Variants in FHIT observed in about 807,000 individuals in gnomAD.
The protein encoded by FHIT is fragile histidine triad diadenosine triphosphatase.
Under a neutral mutation model 17.9 loss-of-function variants are expected in FHIT, and 19 were observed. The observed-to-expected ratio is 1.06, with a 90% CI of 0.74 to 1.56. The LOEUF is 1.56. Among genes scored for constraint, FHIT ranks in the 40% most tolerant of loss-of-function variants. The probability of loss-of-function intolerance (pLI) is 0.00; values close to 1 mark genes in which losing one functional copy is unlikely to be tolerated. For missense variants in FHIT, 248 were observed against 189.2 expected (o/e 1.31, Z -1.82); for synonymous variants, 81 against 69.7 (o/e 1.16, Z -0.81).
intron 5 of FHIT, among the ~76,000 whole-genome samples, chr3:60,202,013 C>T (rs893680471): frequency 6.6e-6 from 1 of 152,146 alleles, no homozygotes; most frequent in African/African-American, 2.4e-5. Context: ...TAGGATACTC[C>T]AGGAACAAAG....
chr3:60,652,491 TGG>T (rs1343112186), intron 4 of FHIT, among the ~76,000 whole-genome samples: 1 of 152,002 alleles, frequency 6.6e-6, no homozygotes, highest in African/African-American at 2.4e-5. Context: ...CCCAGCACTT[TGG>T]GAGGCCCAGG....
chr3:59,983,483 CTATTT>C (rs1465853529), intron 7 of FHIT, among the ~76,000 whole-genome samples: 1 of 152,060 alleles, frequency 6.6e-6, no homozygotes, highest in Non-Finnish European at 1.5e-5. Context: ...TATAGTTGTA[CTATTT>C]TATTAGTAGT....
At position 60,074,458 on chromosome 3, in the gene FHIT, G is replaced by C. The variant is rs148078304; in HGVS notation, c.104-60306C>G. ...TCCTTTGAAGAGCAAAGCATCAAAAGTTCTTATCCCTAGACAGACACAAAT... is the reference window on the plus strand; with the variant it reads ...TCCTTTGAAGAGCAAAGCATCAAAACTTCTTATCCCTAGACAGACACAAAT... On this transcript the variant is annotated intron_variant, in intron 5 of 9. Coordinates refer to ENST00000492590, the MANE Select transcript of FHIT (RefSeq NM_002012.4). Among the ~76,000 whole-genome samples, 14 of 152,104 alleles carry C rather than the reference G, an allele frequency of 9.2e-5. No homozygotes were observed. The East Asian group carries it at 2.3e-3, about 25-fold the overall frequency.
chr3:60,867,457 T>C (rs1553754093), intron 3 of FHIT, among the ~76,000 whole-genome samples: 2 of 152,196 alleles, frequency 1.3e-5, no homozygotes, highest in Non-Finnish European at 2.9e-5. Flanking sequence ...CAAAAGAAGA[T>C]GTTATGGCTG....
At chr3:60,512,007 G>T (rs1461247378) in intron 5 of FHIT, among the ~76,000 whole-genome samples, 1 of 152,032 alleles carries the variant, frequency 6.6e-6, no homozygotes, top group Non-Finnish European at 1.5e-5. Flanking sequence ...GAGAGGTAAA[G>T]TTCTTCCTTA....
intron 3 of FHIT, among the ~76,000 whole-genome samples, chr3:60,892,807 C>T (rs9827429): frequency 0.019 from 2,846 of 151,918 alleles, 79 homozygotes; most frequent in African/African-American, 0.063. Context: ...TAATAATATG[C>T]GTAAATGCAT....
Position 61,091,593 on chromosome 3 carries a change from A to C in FHIT, c.-163-49494T>G, listed in dbSNP as rs1278404493. Among the ~76,000 whole-genome samples, 3 of 152,114 alleles carry C rather than the reference A, an allele frequency of 2.0e-5. No homozygotes were observed. In the South Asian group the frequency reaches 6.2e-4, roughly 32 times the overall value. On this transcript the variant is annotated intron_variant, in intron 2 of 9. Transcript: ENST00000492590. The stretch of plus-strand genomic sequence containing the variant: ...GCCTAACGTTAGCAAAATAGAAAAG[A>C]GATCTACTGCAAGTATACAGAATAG...
intron 5 of FHIT, among the ~76,000 whole-genome samples, chr3:60,476,233 G>A (rs1240028715): frequency 6.6e-6 from 1 of 152,142 alleles, no homozygotes; most frequent in African/African-American, 2.4e-5. Flanking sequence ...TCCCTGGTAT[G>A]AGACAGAAAA....
Position 60,423,501 on chromosome 3 carries a change from TATGA to T in FHIT, c.103+113355_103+113358del, listed in dbSNP as rs572159337. Among the ~76,000 whole-genome samples the T allele has an allele frequency of 7.4e-4, 113 of 152,238 alleles. 1 individual carries two copies. The highest frequency in any genetic ancestry group is 2.5e-3 in the African/African-American group (103 of 41,546). On this transcript the variant is annotated intron_variant, in intron 5 of 9. Coordinates refer to ENST00000492590, the MANE Select transcript of FHIT (RefSeq NM_002012.4). Reference sequence around the variant, plus strand: ...ATTAGTGAGGTTTTTTTCTGATTGATATGAATGAGATATCTTAGACTTCATAGAG... The same window carrying T: ...ATTAGTGAGGTTTTTTTCTGATTGATATGAGATATCTTAGACTTCATAGAG...
chr3:59,956,581 T>C (rs977650396), intron 7 of FHIT, among the ~76,000 whole-genome samples: 7 of 152,062 alleles, frequency 4.6e-5, no homozygotes, highest in African/African-American at 1.7e-4. Context: ...ACCAGGAGAA[T>C]TGCTTGAACC....
chr3:60,614,108 C>T (rs549811154), intron 4 of FHIT, among the ~76,000 whole-genome samples: 30 of 152,104 alleles, frequency 2.0e-4, no homozygotes, highest in African/African-American at 7.2e-4. Context: ...TGACTGGACA[C>T]AGACCTGAAG....
intron 7 of FHIT, among the ~76,000 whole-genome samples, chr3:59,966,487 G>A (rs1251727498): frequency 6.6e-6 from 1 of 152,162 alleles, no homozygotes; most frequent in Non-Finnish European, 1.5e-5. Context: ...ACATCATAGA[G>A]TGTACTCATA....
intron 4 of FHIT, among the ~76,000 whole-genome samples, chr3:60,575,777 C>T (rs905783589): frequency 6.6e-6 from 1 of 152,054 alleles, no homozygotes; most frequent in Non-Finnish European, 1.5e-5. Context: ...TTACGGTTCA[C>T]ATGAAGAGTT....
chr3:60,019,415 C>CTTTTTTTTTTTTTTTTTTTTTTTTTTTT (rs1281567026), intron 5 of FHIT, among the ~76,000 whole-genome samples: 11 of 121,094 alleles, frequency 9.1e-5, no homozygotes, highest in Middle Eastern at 4.5e-3. Context: ...TGAGATGCTC[C>CTTTTTTTTTTTTTTTTTTTTTTTTTTTT]TTTTTTTTTT....
intron 3 of FHIT, among the ~76,000 whole-genome samples, chr3:60,926,545 A>C (rs1157474009): frequency 6.6e-6 from 1 of 152,224 alleles, no homozygotes; most frequent in Non-Finnish European, 1.5e-5. Flanking sequence ...TCTGTGGGAC[A>C]CATTCAAAGC....
At chr3:61,170,475 C>T (rs961823054) in intron 2 of FHIT, among the ~76,000 whole-genome samples, 1 of 152,100 alleles carries the variant, frequency 6.6e-6, no homozygotes, top group African/African-American at 2.4e-5. Flanking sequence ...TCATTACCCA[C>T]ATGTTAAACC....
intron 3 of FHIT, among the ~76,000 whole-genome samples, chr3:61,041,015 G>A (rs2033483792): frequency 6.6e-6 from 1 of 152,134 alleles, no homozygotes; most frequent in Non-Finnish European, 1.5e-5. Context: ...GCCCTGGTAT[G>A]CATCTTGGAC....
At chr3:61,070,783 G>C (rs909077985) in intron 2 of FHIT, among the ~76,000 whole-genome samples, 2 of 152,084 alleles carry the variant, frequency 1.3e-5, no homozygotes, top group South Asian at 4.1e-4. Context: ...CCTAACAAGT[G>C]CCCAGTCTTA....
intron 4 of FHIT, among the ~76,000 whole-genome samples, chr3:60,764,493 T>C (rs1699779613): frequency 6.6e-6 from 1 of 152,144 alleles, no homozygotes; most frequent in African/African-American, 2.4e-5. Context: ...TGACATTCAC[T>C]GCTATTAAGC....
Sources: allele counts gnomAD v4.1 joint callset (sites outside exome capture counted in the v4.1 genomes callset), GRCh38; gene constraint gnomAD v4.1.1; transcripts MANE v1.5; gene names NCBI Gene and HGNC (gene_info 2026-07-23, HGNC 2026-07-21).